Variants in ABCA13 observed in about 807,000 individuals in gnomAD.
ABCA13 encodes ATP binding cassette subfamily A member 13.
Under a neutral mutation model 478.7 loss-of-function variants are expected in ABCA13, and 476 were observed. The observed-to-expected ratio is 0.99, with a 90% CI of 0.92 to 1.07. ABCA13 has a LOEUF of 1.07. Ranked by LOEUF, ABCA13 falls within the 50% of genes least tolerant of loss-of-function variation. The pLI is 0.00. For missense variants in ABCA13, 6,060 were observed against 5,910.6 expected, an observed-to-expected ratio of 1.03 and a Z score of -0.83; for synonymous variants, 2,252 against 2,158.9, an observed-to-expected ratio of 1.04 and a Z score of -1.20.
At chr7:48,470,063 A>C (rs1827317575) in intron 44 of ABCA13, among the ~76,000 whole-genome samples, 1 of 152,232 alleles carries the variant, frequency 6.6e-6, no homozygotes, top group Admixed American at 6.5e-5. Context: ...CCTGTAGGCC[A>C]CTTTAGGGAA....
chr7:48,221,192 C>T (rs1787311837), intron 4 of ABCA13, 89 bp from the exon 5 acceptor site: 3 of 664,342 alleles, frequency 4.5e-6, no homozygotes, highest in African/African-American at 3.6e-5. Flanking sequence ...TTGGATACTC[C>T]ATTTGACTTT....
In ABCA13 at chr7:48,446,963, G is replaced by A. The variant is rs1824389023; in HGVS notation, c.12566-8074G>A. Reference sequence around the variant, plus strand: ...TGGGCAGGATAAATGCTGGTGGCAGGTGCCAGAAAGCAGCAACTTCTGTCA... The same window carrying A: ...TGGGCAGGATAAATGCTGGTGGCAGATGCCAGAAAGCAGCAACTTCTGTCA... On this transcript the variant is annotated intron_variant, in intron 42 of 61. Transcript: ENST00000435803. Among the ~76,000 whole-genome samples the A allele has an allele frequency of 1.3e-5, 2 of 152,202 alleles. 1 individual carries two copies. The highest frequency in any genetic ancestry group is 4.1e-4 in the South Asian group (2 of 4,832).
chr7:48,428,005 C>A (rs1585278961), intron 42 of ABCA13, 134 bp downstream of exon 42: 3 of 505,324 alleles, frequency 5.9e-6, no homozygotes, highest in Admixed American at 3.9e-5. Flanking sequence ...AGTGAGGGGG[C>A]AAGTAAATAC....
At chr7:48,202,006 G>C (rs1046421314) in intron 3 of ABCA13, among the ~76,000 whole-genome samples, 2 of 151,836 alleles carry the variant, frequency 1.3e-5, no homozygotes, top group African/African-American at 4.8e-5. Flanking sequence ...GGAGTTGTTT[G>C]TTCCTCCCGG....
chr7:48,517,082 G>C (rs542646552), intron 52 of ABCA13, among the ~76,000 whole-genome samples: 92 of 152,278 alleles, frequency 6.0e-4, no homozygotes, highest in East Asian at 9.6e-4. Flanking sequence ...CCTAGGCTTA[G>C]CAACAATTGA....
At chr7:48,438,884 G>T (rs374918994) in intron 42 of ABCA13, among the ~76,000 whole-genome samples, 4 of 139,392 alleles carry the variant, frequency 2.9e-5, no homozygotes, top group Non-Finnish European at 4.6e-5. Flanking sequence ...TTTTGCTAAG[G>T]TTTTTTTTTT....
chr7:48,303,099 AT>A (rs1187678704), intron 23 of ABCA13, among the ~76,000 whole-genome samples: 1 of 151,684 alleles, frequency 6.6e-6, no homozygotes, highest in African/African-American at 2.4e-5. Flanking sequence ...TAATATTGAG[AT>A]TTTTTTCATA....
intron 58 of ABCA13, chr7:48,603,988 A>G (rs1791189966): frequency 6.6e-6 from 1 of 152,068 alleles, no homozygotes; most frequent in Non-Finnish European, 1.5e-5. Context: ...TAATTTATCC[A>G]TTTCTCCTAG....
At chr7:48,571,270 C>A (rs1787619411) in intron 55 of ABCA13, among the ~76,000 whole-genome samples, 1 of 151,988 alleles carries the variant, frequency 6.6e-6, no homozygotes, top group African/African-American at 2.4e-5. Flanking sequence ...TAATCTTAAC[C>A]AGTGCTTTTT....
At position 48,438,888 on chromosome 7, in the gene ABCA13, T is replaced by TG. The variant is rs199915144; in HGVS notation, c.12565+11017_12565+11018insG. Among the ~76,000 whole-genome samples the TG allele has an allele frequency of 3.4e-3, 512 of 151,106 alleles. 6 individuals carry two copies. Among genetic ancestry groups the TG allele is most frequent in the Middle Eastern group, 0.01 (3 of 290 alleles). ...GCAGAAGACAATTTTGCTAAGGTTT[T>TG]TTTTTTTTTTTAAAAAACTAATGAT... is the stretch of plus-strand genomic sequence containing the variant. On this transcript the variant is annotated intron_variant, in intron 42 of 61. Coordinates refer to ENST00000435803, the MANE Select transcript of ABCA13 (RefSeq NM_152701.5).
At chr7:48,561,307 GA>G (rs1410168531) in intron 55 of ABCA13, among the ~76,000 whole-genome samples, 1 of 151,856 alleles carries the variant, frequency 6.6e-6, no homozygotes, top group African/African-American at 2.4e-5. Context: ...TAGTTTTTTT[GA>G]GTGATCTTTA....
At chr7:48,388,746 G>T (rs145929687) in intron 36 of ABCA13, among the ~76,000 whole-genome samples, 3 of 152,192 alleles carry the variant, frequency 2.0e-5, no homozygotes, top group Non-Finnish European at 4.4e-5. Flanking sequence ...TAACTAATCT[G>T]CCTGTTGTTT....
At chr7:48,440,295 G>A (rs1290901213) in intron 42 of ABCA13, among the ~76,000 whole-genome samples, 1 of 152,020 alleles carries the variant, frequency 6.6e-6, no homozygotes, top group Non-Finnish European at 1.5e-5. Flanking sequence ...CCTCACAAGG[G>A]TAATTGAATT....
intron 15 of ABCA13, among the ~76,000 whole-genome samples, chr7:48,268,457 A>T (rs530261350): frequency 1.3e-5 from 2 of 152,170 alleles, no homozygotes; most frequent in South Asian, 4.2e-4. Flanking sequence ...CCACACCCGG[A>T]CACCTTTAAC....
intron 19 of ABCA13, among the ~76,000 whole-genome samples, chr7:48,284,672 C>A (rs2128792963): frequency 1.3e-5 from 2 of 152,236 alleles, no homozygotes; most frequent in African/African-American, 4.8e-5. Context: ...ATTGCAGCTG[C>A]TAAATTAATA....
chr7:48,176,788 C>A (rs529150000), intron 1 of ABCA13, among the ~76,000 whole-genome samples: 2 of 152,134 alleles, frequency 1.3e-5, no homozygotes, highest in African/African-American at 4.8e-5. Context: ...AGATAACTAC[C>A]TTGGAAATCA....
At chr7:48,264,303 T>C (rs1417154872) in intron 15 of ABCA13, among the ~76,000 whole-genome samples, 1 of 151,874 alleles carries the variant, frequency 6.6e-6, no homozygotes, top group Non-Finnish European at 1.5e-5. Context: ...TTCCTTAAAA[T>C]TGAAATGTTT....
Position 48,206,638 on chromosome 7 carries a change from A to T in ABCA13, c.287+8278A>T, listed in dbSNP as rs1452112299. ...AATTTTGTTTCTGAATATATATTTT[A>T]AAAGTCTTTATTTTTAATTATTGTG... On this transcript the variant is annotated intron_variant, in intron 3 of 61. Transcript: ENST00000435803. Among the ~76,000 whole-genome samples, 3 of 152,066 alleles carry T rather than the reference A, an allele frequency of 2.0e-5. No individual in the cohort carries two copies. The East Asian group carries it at 5.8e-4, about 29-fold the overall frequency.
Position 48,338,429 on chromosome 7 carries a change from A to C in ABCA13, c.10178A>C (p.Lys3393Thr). Residue 3393 changes from lysine (K) to threonine (T), a missense_variant, in exon 29 of 62, where the codon AAA (lysine) becomes ACA (threonine). Lys to Thr is a moderately conservative substitution (Grantham distance 78). Transcript: ENST00000435803. ...AACCAGTTGCACATTGATGTAGACAAACTTACTGAAAAACTCCAGACATAC... is the reference window on the plus strand; with the variant it reads ...AACCAGTTGCACATTGATGTAGACACACTTACTGAAAAACTCCAGACATAC... ...VENQLHIDVD[K>T]LTEKLQTYGG... 1 of 1,598,272 alleles carries C rather than the reference A, an allele frequency of 6.3e-7. No individual in the cohort carries two copies. The highest frequency in any genetic ancestry group is 8.5e-7 in the Non-Finnish European group (1 of 1,171,732).
Sources: allele counts gnomAD v4.1 joint callset (sites outside exome capture counted in the v4.1 genomes callset), GRCh38; gene constraint gnomAD v4.1.1; transcripts MANE v1.5; gene names NCBI Gene and HGNC (gene_info 2026-07-23, HGNC 2026-07-21).